Variants in ZNF709 observed in about 807,000 individuals in gnomAD.
The protein encoded by ZNF709 is zinc finger protein 709.
A neutral mutation model predicts 10.6 loss-of-function variants in ZNF709; 15 were observed. The ratio of observed to expected loss-of-function variants is 1.41; its 90% CI spans 0.95 to 2.18. ZNF709 has a LOEUF of 2.18. Among genes scored for constraint, ZNF709 ranks in the 30% most tolerant of loss-of-function variants. The pLI, the probability that ZNF709 is intolerant of heterozygous loss-of-function variation, is 0.00. For missense variants in ZNF709, 589 were observed against 774.0 expected (o/e 0.76, Z 2.84); for synonymous variants, 194 against 238.8 (o/e 0.81, Z 1.73).
At chr19:12,478,857 G>A (rs192541940) in intron 1 of ZNF709, among the ~76,000 whole-genome samples, 115 of 152,276 alleles carry the variant, frequency 7.6e-4, no homozygotes, top group African/African-American at 2.7e-3. Flanking sequence ...TGCAGCACGA[G>A]GAGAAGAGAG....
chr19:12,475,357 A>G (rs765384981), intron 1 of ZNF709, among the ~76,000 whole-genome samples: 3 of 151,986 alleles, frequency 2.0e-5, no homozygotes, highest in Non-Finnish European at 4.4e-5. Context: ...CAGAAGAAAT[A>G]GTAAAAAGAG....
rs1414638794 is a variant in ZNF709 at position 12,462,774 on chromosome 19, T to A, written c.*1222A>T. The stretch of plus-strand genomic sequence containing the variant: ...GGCCCATTACAGCACAACTAAAAAA[T>A]ACATAAAAATCAAAACTGCTAGCTT... On this transcript the variant is annotated 3_prime_UTR_variant, in exon 4 of 4. Transcript: ENST00000397732. 1 of 152,068 alleles carries A rather than the reference T, an allele frequency of 6.6e-6. No individual in the cohort carries two copies. The highest frequency in any genetic ancestry group is 1.5e-5 in the Non-Finnish European group (1 of 68,008). 9.4% of individuals were successfully genotyped at this position (152,068 alleles called of 1,614,324 possible). A position where few individuals can be genotyped will look rare whatever the true frequency, so the allele number is the denominator to read the frequency against.
intron 1 of ZNF709, among the ~76,000 whole-genome samples, chr19:12,476,673 A>G (rs1453636116): frequency 2.0e-5 from 3 of 152,190 alleles, no homozygotes; most frequent in Non-Finnish European, 4.4e-5. Context: ...AACAAGGAAT[A>G]TGTTGCCTCC....
intron 1 of ZNF709, among the ~76,000 whole-genome samples, chr19:12,473,746 T>A (rs959280215): frequency 6.6e-6 from 1 of 152,176 alleles, no homozygotes; most frequent in African/African-American, 2.4e-5. Context: ...ATAATATCTA[T>A]TTTAGAAATT....
chr19:12,465,074 T>A lies in ZNF709; in HGVS notation c.848A>T (p.Lys283Met), dbSNP rs1354322021. Residue 283 changes from lysine to methionine, a missense_variant, in exon 4 of 4, where the codon AAG becomes ATG. Lys to Met is a moderately conservative substitution (Grantham distance 95). This residue lies in a region of ZNF709 where 418 missense variants were observed against 496.3 expected (regional missense o/e 0.84). Coordinates refer to ENST00000397732, the MANE Select transcript of ZNF709 (RefSeq NM_152601.4). ...ACAACTAAGAGCTTTACCACATTGC[T>A]TACACTGATAGGGTTTTTCCCCAGT... Reference protein sequence around the residue: ...THTGEKPYQCKQCGKALSCPT... With the variant: ...THTGEKPYQCMQCGKALSCPT... 6.2e-6 allele frequency: 10 copies of A among 1,613,286 alleles called. No individual in the cohort carries two copies. The highest frequency in any genetic ancestry group is 8.5e-6 in the Non-Finnish European group (10 of 1,179,776).
intron 1 of ZNF709, among the ~76,000 whole-genome samples, chr19:12,467,197 G>A (rs1225011459): frequency 3.9e-5 from 6 of 152,204 alleles, no homozygotes. Context: ...AGCCGAAGCT[G>A]GACTGTACTG....
intron 1 of ZNF709, among the ~76,000 whole-genome samples, chr19:12,469,544 G>A (rs1241860102): frequency 1.3e-5 from 2 of 151,994 alleles, no homozygotes; most frequent in Non-Finnish European, 2.9e-5. Context: ...TGAGAAGGGT[G>A]GATCACGAGG....
intron 1 of ZNF709, among the ~76,000 whole-genome samples, chr19:12,467,738 C>T (rs865957236): frequency 1.5e-4 from 23 of 151,290 alleles, no homozygotes; most frequent in African/African-American, 5.1e-4. Flanking sequence ...AGGTGGGGAG[C>T]GCCTCTGCCC....
chr19:12,482,168 C>CACAA (rs1568249863), intron 1 of ZNF709, among the ~76,000 whole-genome samples: 1 of 151,558 alleles, frequency 6.6e-6, no homozygotes, highest in Non-Finnish European at 1.5e-5. Flanking sequence ...CACACACACA[C>CACAA]ACACACACAC....
At chr19:12,467,164 T>G (rs1320861161) in intron 1 of ZNF709, among the ~76,000 whole-genome samples, 1 of 152,196 alleles carries the variant, frequency 6.6e-6, no homozygotes, top group Non-Finnish European at 1.5e-5. Flanking sequence ...TCCCTCTCTT[T>G]CCACGGTCTC....
rs752785395 is a variant in ZNF709, at chr19:12,465,523, G to T, written c.399C>A (p.His133Gln). 1 of 1,611,318 alleles carries T rather than the reference G, an allele frequency of 6.2e-7. No individual in the cohort carries two copies. The highest frequency in any genetic ancestry group is 8.5e-7 in the Non-Finnish European group (1 of 1,179,108). ...ATTCATATGATTTCTCTCCATATTT[G>T]TGATATTCATATGATCTATGTTCAG... ...SHTEHRSYEYHKYGEKSYECK... is the reference protein window; with the variant it reads ...SHTEHRSYEYQKYGEKSYECK... Residue 133 changes from histidine (H) to glutamine (Q), a missense_variant, in exon 4 of 4, where the codon CAC (histidine) becomes CAA (glutamine). His to Gln is a conservative substitution (Grantham distance 24, BLOSUM62 0). Around this residue, in one of 2 missense-constraint regions of ZNF709, gnomAD observed 418 missense variants for 496.3 expected, o/e 0.84. Transcript: ENST00000397732.
chr19:12,469,039 A>C (rs1599633193), intron 1 of ZNF709, among the ~76,000 whole-genome samples: 1 of 152,116 alleles, frequency 6.6e-6, no homozygotes, highest in African/African-American at 2.4e-5. Context: ...ACGGGGTTTC[A>C]CTATGTTAGC....
chr19:12,477,122 G>T (rs894794845), intron 1 of ZNF709, among the ~76,000 whole-genome samples: 1 of 152,160 alleles, frequency 6.6e-6, no homozygotes, highest in African/African-American at 2.4e-5. Context: ...TGGTATAGGG[G>T]CTTAATGGGT....
Position 12,464,183 on chromosome 19 carries a change from C to A in ZNF709, c.1739G>T (p.Arg580Met). The change falls in exon 4 of 4, where the codon AGG becomes ATG. Residue 580 changes from arginine to methionine, a missense_variant. This residue lies in a region of ZNF709 where 171 missense variants were observed against 277.7 expected (regional missense o/e 0.62). Coordinates refer to ENST00000397732, the MANE Select transcript of ZNF709 (RefSeq NM_152601.4). ...ATAGGGTTTCACTCCAGTGTGAGTCCTTTCATGCATTCGAACAGAACTAGA... is the reference window on the plus strand; with the variant it reads ...ATAGGGTTTCACTCCAGTGTGAGTCATTTCATGCATTCGAACAGAACTAGA... ...SCSSSVRMHE[R>M]THTGVKPYEC... The A allele has an allele frequency of 6.3e-7, 1 of 1,579,998 alleles. No homozygotes were observed. The highest frequency in any genetic ancestry group is 8.6e-7 in the Non-Finnish European group (1 of 1,166,194).
intron 1 of ZNF709, among the ~76,000 whole-genome samples, chr19:12,469,537 G>T (rs1474903704): frequency 6.6e-6 from 1 of 152,070 alleles, no homozygotes; most frequent in Non-Finnish European, 1.5e-5. Context: ...GGGAGGCTGA[G>T]AAGGGTGGAT....
chr19:12,465,532 A>G lies in ZNF709; in HGVS notation c.390T>C (p.Tyr130=). Residue 130 remains tyrosine, a synonymous_variant, in exon 4 of 4, where the codon TAT becomes TAC. Transcript: ENST00000397732. ...ATTTCTCTCCATATTTGTGATATTC[A>G]TATGATCTATGTTCAGTATGAGATC... ...HMRSHTEHRS[Y]EYHKYGEKSY... The G allele has an allele frequency of 6.2e-7, 1 of 1,612,564 alleles. No homozygotes were observed. Among genetic ancestry groups the G allele is most frequent in the Non-Finnish European group, 8.5e-7 (1 of 1,179,604 alleles).
At chr19:12,466,909 A>G (rs8100400) in intron 1 of ZNF709, 59 bp from the exon 2 acceptor site, 1 of 1,567,300 alleles carries the variant, frequency 6.4e-7, no homozygotes, top group South Asian at 1.2e-5. Context: ...TGGGGATATA[A>G]ACTCAGTTCA....
At chr19:12,479,418 T>C (rs540237518) in intron 1 of ZNF709, among the ~76,000 whole-genome samples, 1 of 152,364 alleles carries the variant, frequency 6.6e-6, no homozygotes, top group African/African-American at 2.4e-5. Context: ...GACTCAACTA[T>C]TGTGGATTTT....
At chr19:12,468,295 G>A (rs541820841) in intron 1 of ZNF709, among the ~76,000 whole-genome samples, 2,410 of 152,288 alleles carry the variant, frequency 0.016, 67 homozygotes, top group African/African-American at 0.055. Context: ...GATGGTTGCT[G>A]TGTCTGTGTA....
Sources: allele counts gnomAD v4.1 joint callset (sites outside exome capture counted in the v4.1 genomes callset), GRCh38; gene constraint gnomAD v4.1.1; regional missense constraint gnomAD v4.1.1; transcripts MANE v1.5; gene names NCBI Gene and HGNC (gene_info 2026-07-23, HGNC 2026-07-21).